EXOC4: variants seen among roughly 807,000 people sequenced by gnomAD.
The protein encoded by EXOC4 is SEC8-like 1.
Under a neutral mutation model 107.2 loss-of-function variants are expected in EXOC4, and 71 were observed. That is an observed-to-expected ratio of 0.66 (90% CI 0.55 to 0.81). EXOC4 has a LOEUF of 0.81. Among genes scored for constraint, EXOC4 ranks in the 30% least tolerant of loss-of-function variants. The pLI, the probability that EXOC4 is intolerant of heterozygous loss-of-function variation, is 0.00. For synonymous variants in EXOC4, 456 were observed against 441.2 expected, an observed-to-expected ratio of 1.03 and a Z score of -0.42; for missense variants, 1,108 against 1,189.6, an observed-to-expected ratio of 0.93 and a Z score of 1.01.
intron 10 of EXOC4, among the ~76,000 whole-genome samples, chr7:133,645,768 TC>T (rs2151029291): frequency 1.3e-5 from 2 of 152,326 alleles, no homozygotes; most frequent in East Asian, 3.9e-4. Context: ...ATCCAATGTT[TC>T]TTCTTGGAGT....
chr7:133,663,669 A>C (rs1296794771), intron 10 of EXOC4, among the ~76,000 whole-genome samples: 1 of 152,090 alleles, frequency 6.6e-6, no homozygotes, highest in African/African-American at 2.4e-5. Flanking sequence ...ACCCATCAGC[A>C]TGTCCTGTTG....
chr7:133,417,318 A>T (rs1797500776), intron 7 of EXOC4, among the ~76,000 whole-genome samples: 1 of 152,214 alleles, frequency 6.6e-6, no homozygotes, highest in African/African-American at 2.4e-5. Context: ...ATCATAGAAT[A>T]CACTGTCTTT....
intron 9 of EXOC4, among the ~76,000 whole-genome samples, chr7:133,576,204 A>C (rs895971096): frequency 1.3e-5 from 2 of 152,170 alleles, no homozygotes; most frequent in Non-Finnish European, 2.9e-5. Flanking sequence ...GAAAATTCTC[A>C]AGATGTTAAT....
rs61598212 is a variant in EXOC4 at position 133,919,066 on chromosome 7, CT to C, written c.2027+1331del. Among the ~76,000 whole-genome samples the C allele has an allele frequency of 2.3e-3, 344 of 152,264 alleles. 5 individuals are homozygous for C. Among genetic ancestry groups the C allele is most frequent in the African/African-American group, 7.5e-3 (312 of 41,566 alleles). ...AAATTTTCTGTAGCATCATGTTAAA[CT>C]TTCTCAAAACCATGATTCTTGAAAG... On this transcript the variant is annotated intron_variant, in intron 13 of 17. Coordinates refer to ENST00000253861, the MANE Select transcript of EXOC4 (RefSeq NM_021807.4).
intron 10 of EXOC4, among the ~76,000 whole-genome samples, chr7:133,792,090 C>CA (rs1796714585): frequency 6.6e-6 from 1 of 152,056 alleles, no homozygotes; most frequent in African/African-American, 2.4e-5. Flanking sequence ...CCAGACCCAG[C>CA]AGTTTTACTC....
At chr7:133,415,204 T>C (rs1797448046) in intron 7 of EXOC4, among the ~76,000 whole-genome samples, 1 of 142,704 alleles carries the variant, frequency 7.0e-6, no homozygotes, top group Non-Finnish European at 1.5e-5. Flanking sequence ...TTGTTTTCAC[T>C]TTGTAGCTAT....
chr7:133,897,704 G>C (rs1354277986), intron 12 of EXOC4, among the ~76,000 whole-genome samples: 1 of 150,544 alleles, frequency 6.6e-6, no homozygotes, highest in Non-Finnish European at 1.5e-5. Flanking sequence ...TCTATTGGAT[G>C]CTTTTTTAAA....
intron 7 of EXOC4, among the ~76,000 whole-genome samples, chr7:133,458,579 A>G (rs1584933143): frequency 6.6e-6 from 1 of 152,308 alleles, no homozygotes; most frequent in East Asian, 1.9e-4. Flanking sequence ...AGCAATTAAG[A>G]TCTCTCTGTA....
chr7:133,907,432 C>T (rs1310943753), intron 12 of EXOC4, among the ~76,000 whole-genome samples: 1 of 152,080 alleles, frequency 6.6e-6, no homozygotes, highest in Admixed American at 6.6e-5. Context: ...GGGGAAACTT[C>T]AAAACATACA....
At chr7:133,953,466 G>A (rs1361582728) in intron 14 of EXOC4, among the ~76,000 whole-genome samples, 3 of 148,116 alleles carry the variant, frequency 2.0e-5, no homozygotes, top group Non-Finnish European at 4.5e-5. Context: ...TTAGCCAGGT[G>A]TGGCCCCATT....
At chr7:134,073,092 G>A in the EXOC4 span, among the ~76,000 whole-genome samples, 1 of 148,534 alleles carries the variant, frequency 6.7e-6, no homozygotes, top group East Asian at 2.0e-4. Context: ...TATAATCCCA[G>A]CTACTCAGGA....
intron 14 of EXOC4, among the ~76,000 whole-genome samples, chr7:133,949,262 G>A (rs1800629942): frequency 6.6e-6 from 1 of 151,938 alleles, no homozygotes; most frequent in African/African-American, 2.4e-5. Flanking sequence ...CCTTCATATG[G>A]GTACAGAGAT....
chr7:133,512,452 G>A (rs764021283), intron 9 of EXOC4, among the ~76,000 whole-genome samples: 2 of 151,850 alleles, frequency 1.3e-5, no homozygotes, highest in Non-Finnish European at 2.9e-5. Flanking sequence ...AAAATACATA[G>A]TACAGGATCT....
At chr7:133,898,393 C>G (rs1055556467) in intron 12 of EXOC4, among the ~76,000 whole-genome samples, 3 of 151,960 alleles carry the variant, frequency 2.0e-5, no homozygotes, top group Non-Finnish European at 4.4e-5. Flanking sequence ...AAACCAGATT[C>G]CAAAGTGGTA....
intron 17 of EXOC4, among the ~76,000 whole-genome samples, chr7:134,014,248 A>C (rs1794841442): frequency 6.6e-6 from 1 of 152,090 alleles, no homozygotes; most frequent in South Asian, 2.1e-4. Context: ...CTAAAAATAC[A>C]AAAAAATTAG....
At position 133,604,710 on chromosome 7, in the gene EXOC4, C is replaced by CTTTTT. The variant is rs61548710; in HGVS notation, c.1418-25308_1418-25304dup. ...TCTTTCCTTCCTTCCTTCCTTCTTT[C>CTTTTT]TTTTTTTTTTTTTTTTTTTTTTTTT... On this transcript the variant is annotated intron_variant, in intron 9 of 17. Coordinates refer to ENST00000253861, the MANE Select transcript of EXOC4 (RefSeq NM_021807.4). 4.2e-3 allele frequency among the ~76,000 whole-genome samples: 213 copies of CTTTTT among 50,252 alleles called. 4 individuals carry two copies. The highest frequency in any genetic ancestry group is 4.8e-3 in the Non-Finnish European group (139 of 28,972). The allele number at this position is 50,252 out of a possible 152,430, so 33.0% of individuals were successfully genotyped here.
Position 133,602,652 on chromosome 7 carries a change from A to G in EXOC4, c.1418-27393A>G, listed in dbSNP as rs113891912. Among the ~76,000 whole-genome samples, 481 of 152,390 alleles carry G rather than the reference A, an allele frequency of 3.2e-3. 2 individuals are homozygous for G. The highest frequency in any genetic ancestry group is 0.011 in the African/African-American group (460 of 41,602). On this transcript the variant is annotated intron_variant, in intron 9 of 17. Coordinates refer to ENST00000253861, the MANE Select transcript of EXOC4 (RefSeq NM_021807.4). The stretch of plus-strand genomic sequence containing the variant: ...GAATTTCAGACTAAACAAAGCTGCC[A>G]TGATGAGAAGGTAGAGAAACCCTTC...
chr7:133,265,980 C>A (rs1424791731), intron 1 of EXOC4, among the ~76,000 whole-genome samples: 1 of 152,150 alleles, frequency 6.6e-6, no homozygotes, highest in Non-Finnish European at 1.5e-5. Context: ...AATTAACCAA[C>A]CAAAATGACA....
chr7:133,758,713 T>C (rs754174569), intron 10 of EXOC4, among the ~76,000 whole-genome samples: 4 of 152,254 alleles, frequency 2.6e-5, no homozygotes, highest in Non-Finnish European at 5.9e-5. Context: ...AGTTATACAC[T>C]GAAAGTGTGT....
Sources: allele counts gnomAD v4.1 joint callset (sites outside exome capture counted in the v4.1 genomes callset), GRCh38; gene constraint gnomAD v4.1.1; transcripts MANE v1.5; gene names NCBI Gene and HGNC (gene_info 2026-07-23, HGNC 2026-07-21).